Variants in LRRTM4 observed in about 807,000 individuals in gnomAD.
LRRTM4 encodes leucine rich repeat transmembrane neuronal 4.
LRRTM4 carries 25 observed loss-of-function variants against 47.6 expected under a neutral mutation model. The ratio of observed to expected loss-of-function variants is 0.53; its 90% confidence interval spans 0.38 to 0.73. The LOEUF is 0.73. Among genes scored for constraint, LRRTM4 ranks in the 30% least tolerant of loss-of-function variants. LRRTM4 has a pLI of 0.00. For synonymous variants in LRRTM4, 311 were observed against 269.5 expected, an observed-to-expected ratio of 1.15 and a Z score of -1.51; for missense variants, 638 against 713.4, an observed-to-expected ratio of 0.89 and a Z score of 1.20.
At chr2:76,925,281 C>T (rs1438565201) in intron 3 of LRRTM4, among the ~76,000 whole-genome samples, 5 of 152,046 alleles carry the variant, frequency 3.3e-5, no homozygotes, top group South Asian at 4.1e-4. Context: ...GCCCAGGGAG[C>T]GGGTTGGCTT....
At chr2:77,464,899 T>C (rs897553437) in intron 3 of LRRTM4, among the ~76,000 whole-genome samples, 1 of 152,170 alleles carries the variant, frequency 6.6e-6, no homozygotes, top group Non-Finnish European at 1.5e-5. Flanking sequence ...AAACTAATGA[T>C]TGAAAACACA....
intron 3 of LRRTM4, among the ~76,000 whole-genome samples, chr2:77,071,827 C>T (rs1276367552): frequency 6.6e-6 from 1 of 152,218 alleles, no homozygotes. Flanking sequence ...AATCTTCAAA[C>T]AGGATCCAAA....
chr2:76,815,307 G>A (rs1471878352), intron 3 of LRRTM4, among the ~76,000 whole-genome samples: 5 of 151,960 alleles, frequency 3.3e-5, no homozygotes, highest in Non-Finnish European at 7.4e-5. Flanking sequence ...TTTGGTTAAC[G>A]GGTGACTGTG....
intron 3 of LRRTM4, among the ~76,000 whole-genome samples, chr2:76,909,363 A>C (rs983040563): frequency 2.0e-5 from 3 of 152,210 alleles, no homozygotes; most frequent in African/African-American, 7.2e-5. Flanking sequence ...TTAAAGACTT[A>C]AACCTTAGAC....
At chr2:77,167,060 G>C (rs1037382653) in intron 3 of LRRTM4, among the ~76,000 whole-genome samples, 1 of 152,074 alleles carries the variant, frequency 6.6e-6, no homozygotes, top group African/African-American at 2.4e-5. Flanking sequence ...CTACGCATCT[G>C]ACAAAGGGCT....
chr2:77,140,439 T>G (rs1468617134), intron 3 of LRRTM4, among the ~76,000 whole-genome samples: 1 of 152,196 alleles, frequency 6.6e-6, no homozygotes, highest in African/African-American at 2.4e-5. Context: ...AAGCTGAAAC[T>G]GGATCCCTTC....
intron 3 of LRRTM4, among the ~76,000 whole-genome samples, chr2:76,853,906 G>T (rs578121933): frequency 1.5e-4 from 23 of 152,120 alleles, no homozygotes; most frequent in South Asian, 1.0e-3. Context: ...AATGTTTGTT[G>T]CCTTTTCCTC....
chr2:76,826,152 T>C (rs1671185213), intron 3 of LRRTM4, among the ~76,000 whole-genome samples: 1 of 151,670 alleles, frequency 6.6e-6, no homozygotes. Context: ...ACCACAGAAA[T>C]GTCATGGTAA....
At chr2:77,155,859 T>C (rs1672546483) in intron 3 of LRRTM4, among the ~76,000 whole-genome samples, 2 of 152,130 alleles carry the variant, frequency 1.3e-5, no homozygotes. Flanking sequence ...GTAAAAAATA[T>C]CTATCACATA....
intron 3 of LRRTM4, among the ~76,000 whole-genome samples, chr2:76,847,935 G>C (rs1671885391): frequency 6.6e-6 from 1 of 151,940 alleles, no homozygotes; most frequent in Non-Finnish European, 1.5e-5. Flanking sequence ...GTTCCCTATG[G>C]GGCACTCTAG....
intron 3 of LRRTM4, among the ~76,000 whole-genome samples, chr2:76,938,399 A>C (rs558680372): frequency 6.6e-6 from 1 of 152,288 alleles, no homozygotes; most frequent in East Asian, 1.9e-4. Context: ...AAATTGTTAA[A>C]ATTTTAAATC....
At chr2:77,045,708 A>G (rs1326287021) in intron 3 of LRRTM4, among the ~76,000 whole-genome samples, 1 of 151,924 alleles carries the variant, frequency 6.6e-6, no homozygotes, top group Non-Finnish European at 1.5e-5. Flanking sequence ...GCCTTCCACC[A>G]TGATTGTGAG....
At chr2:76,808,493 C>CT (rs1670630121) in intron 3 of LRRTM4, among the ~76,000 whole-genome samples, 1 of 151,018 alleles carries the variant, frequency 6.6e-6, no homozygotes, top group South Asian at 2.1e-4. Flanking sequence ...CAGGAACTAC[C>CT]TGAAATCCAA....
intron 3 of LRRTM4, among the ~76,000 whole-genome samples, chr2:76,749,826 C>G (rs1019577149): frequency 1.3e-5 from 2 of 152,146 alleles, no homozygotes; most frequent in Non-Finnish European, 2.9e-5. Context: ...TGTTCTCATG[C>G]TAGAATATTT....
intron 3 of LRRTM4, among the ~76,000 whole-genome samples, chr2:76,878,977 A>G (rs1672853511): frequency 6.6e-6 from 1 of 152,180 alleles, no homozygotes; most frequent in Non-Finnish European, 1.5e-5. Flanking sequence ...AAGTCCCTAA[A>G]TCTCTTCAAT....
At chr2:77,051,245 T>C (rs1295321661) in intron 3 of LRRTM4, among the ~76,000 whole-genome samples, 3 of 151,978 alleles carry the variant, frequency 2.0e-5, no homozygotes, top group Non-Finnish European at 1.5e-5. Context: ...GTTCAAAACG[T>C]TGGTAGTGCA....
At chr2:76,904,204 C>A (rs1271028503) in intron 3 of LRRTM4, among the ~76,000 whole-genome samples, 1 of 152,156 alleles carries the variant, frequency 6.6e-6, no homozygotes, top group South Asian at 2.1e-4. Context: ...TACAATTGTC[C>A]TGGAACAAAG....
intron 3 of LRRTM4, among the ~76,000 whole-genome samples, chr2:77,172,323 G>A (rs564949815): frequency 5.3e-5 from 8 of 152,272 alleles, no homozygotes; most frequent in Non-Finnish European, 8.8e-5. Flanking sequence ...CTGGCCAGGC[G>A]TGGTGGCTCA....
chr2:76,868,234 A>AT (rs1302637640), intron 3 of LRRTM4, among the ~76,000 whole-genome samples: 4 of 152,280 alleles, frequency 2.6e-5, no homozygotes, highest in East Asian at 1.9e-4. Context: ...ACAAAGGTAG[A>AT]TTTTTTAATA....
Sources: gnomAD v4.1 joint callset for allele counts (sites outside exome capture counted in the v4.1 genomes callset) on GRCh38, gnomAD v4.1.1 for gene constraint, MANE v1.5 for transcripts, NCBI Gene and HGNC (gene_info 2026-07-23, HGNC 2026-07-21) for gene names.